CRPPA: variants seen among roughly 807,000 people sequenced by gnomAD.
The protein encoded by CRPPA is CDP-L-ribitol pyrophosphorylase A.
A neutral mutation model predicts 52.0 loss-of-function variants in CRPPA; 43 were observed. That is an observed-to-expected ratio of 0.83 (90% CI 0.65 to 1.07). The LOEUF is 1.07. CRPPA is among the 50% of genes least tolerant of loss of function. The pLI, the probability that CRPPA is intolerant of heterozygous loss-of-function variation, is 0.00. For missense variants in CRPPA, 629 were observed against 551.7 expected, an observed-to-expected ratio of 1.14 and a Z score of -1.40; for synonymous variants, 250 against 203.5, an observed-to-expected ratio of 1.23 and a Z score of -1.94.
rs895430141 is a variant in CRPPA, at chr7:16,147,824, G to T, written c.1252-56025C>A. On this transcript the variant is annotated intron_variant, in intron 9 of 9. Coordinates refer to ENST00000407010, the MANE Select transcript of CRPPA (RefSeq NM_001101426.4). ...ACTTGCCTAACCTCCTATAAAACTT[G>T]ATATTCATCCATATTTTATAAATAT... Among the ~76,000 whole-genome samples, 3 of 152,178 alleles carry T rather than the reference G, an allele frequency of 2.0e-5. No homozygotes were observed. The East Asian group carries it at 5.8e-4, about 29-fold the overall frequency.
intron 9 of CRPPA, among the ~76,000 whole-genome samples, chr7:16,131,346 A>G (rs1192424944): frequency 6.6e-6 from 1 of 152,212 alleles, no homozygotes; most frequent in Admixed American, 6.5e-5. Context: ...GTTCCTGAAT[A>G]CAATGTTGAT....
intron 9 of CRPPA, among the ~76,000 whole-genome samples, chr7:16,175,239 C>G (rs1016891561): frequency 6.6e-6 from 1 of 151,948 alleles, no homozygotes; most frequent in Non-Finnish European, 1.5e-5. Flanking sequence ...AATATAAACC[C>G]AAATCACAGT....
chr7:16,289,597 A>G (rs1784519158), intron 5 of CRPPA, among the ~76,000 whole-genome samples: 1 of 152,206 alleles, frequency 6.6e-6, no homozygotes, highest in African/African-American at 2.4e-5. Context: ...TCCTCTTAAT[A>G]GACATAGAAA....
intron 9 of CRPPA, among the ~76,000 whole-genome samples, chr7:16,134,906 A>T (rs1782737086): frequency 1.3e-5 from 2 of 152,162 alleles, no homozygotes; most frequent in Non-Finnish European, 2.9e-5. Context: ...ATACTATGTA[A>T]TTTTTTTCTG....
At chr7:16,385,131 A>G (rs1787223510) in intron 2 of CRPPA, among the ~76,000 whole-genome samples, 1 of 152,180 alleles carries the variant, frequency 6.6e-6, no homozygotes, top group African/African-American at 2.4e-5. Flanking sequence ...CAAATGAGAA[A>G]AAAAGGATGA....
intron 3 of CRPPA, among the ~76,000 whole-genome samples, chr7:16,332,647 G>A (rs1785579992): frequency 6.6e-6 from 1 of 151,968 alleles, no homozygotes; most frequent in African/African-American, 2.4e-5. Flanking sequence ...ATGGGGGAAA[G>A]CTATTACTGA....
At chr7:16,199,150 G>A (rs1183986314) in intron 9 of CRPPA, among the ~76,000 whole-genome samples, 1 of 152,046 alleles carries the variant, frequency 6.6e-6, no homozygotes, top group Non-Finnish European at 1.5e-5. Flanking sequence ...CTAGTTGAGG[G>A]GTCTAACTGG....
chr7:16,381,361 T>C (rs1431709977), intron 2 of CRPPA, among the ~76,000 whole-genome samples: 7 of 151,552 alleles, frequency 4.6e-5, no homozygotes, highest in Non-Finnish European at 7.4e-5. Context: ...AGAGACAGTT[T>C]GTTATAATTT....
At chr7:16,287,041 T>C (rs979039059) in intron 5 of CRPPA, among the ~76,000 whole-genome samples, 1 of 152,222 alleles carries the variant, frequency 6.6e-6, no homozygotes, top group Non-Finnish European at 1.5e-5. Context: ...TGTCATACTA[T>C]ATATTTTTAA....
chr7:16,194,096 T>A (rs1485195411), intron 9 of CRPPA, among the ~76,000 whole-genome samples: 1 of 152,054 alleles, frequency 6.6e-6, no homozygotes, highest in Non-Finnish European at 1.5e-5. Flanking sequence ...GCAAAACAGA[T>A]GAAAAACTAG....
In CRPPA at chr7:16,236,522, G is replaced by C. The variant is rs987470559; in HGVS notation, c.1120-20325C>G. Reference sequence around the variant, plus strand: ...AACAGGATTCAAGCCAAAAAAATCTGAATCTAGAAGTTTCTGGCACTGATT... The same window carrying C: ...AACAGGATTCAAGCCAAAAAAATCTCAATCTAGAAGTTTCTGGCACTGATT... On this transcript the variant is annotated intron_variant, in intron 8 of 9. Coordinates refer to ENST00000407010, the MANE Select transcript of CRPPA (RefSeq NM_001101426.4). 6.6e-5 allele frequency among the ~76,000 whole-genome samples: 10 copies of C among 152,178 alleles called. No individual in the cohort carries two copies. In the East Asian group the frequency reaches 1.9e-3, roughly 29 times the overall value.
chr7:16,373,349 A>G (rs1030722574), intron 3 of CRPPA, among the ~76,000 whole-genome samples: 11 of 152,144 alleles, frequency 7.2e-5, no homozygotes, highest in Non-Finnish European at 1.5e-4. Context: ...AGAGTGACCT[A>G]GGCAGAGGAA....
At chr7:16,243,724 G>A (rs1583460311) in intron 8 of CRPPA, among the ~76,000 whole-genome samples, 1 of 152,144 alleles carries the variant, frequency 6.6e-6, no homozygotes, top group Non-Finnish European at 1.5e-5. Context: ...CCAACACTTT[G>A]GGAGGCCAAG....
At chr7:16,214,522 G>A (rs1318556685) in intron 9 of CRPPA, among the ~76,000 whole-genome samples, 1 of 151,840 alleles carries the variant, frequency 6.6e-6, no homozygotes, top group African/African-American at 2.4e-5. Flanking sequence ...TTTTGAGACA[G>A]GGCCTCACTC....
At chr7:16,418,982 G>T (rs1788260657) in intron 1 of CRPPA, among the ~76,000 whole-genome samples, 1 of 152,134 alleles carries the variant, frequency 6.6e-6, no homozygotes. Context: ...GATCCTGCTG[G>T]CCAAGACCCA....
chr7:16,397,694 G>T (rs1052328956), intron 2 of CRPPA, among the ~76,000 whole-genome samples: 2 of 152,214 alleles, frequency 1.3e-5, no homozygotes, highest in Non-Finnish European at 2.9e-5. Context: ...TGACTGACAC[G>T]TGATACATGA....
intron 9 of CRPPA, among the ~76,000 whole-genome samples, chr7:16,135,372 C>G (rs145391103): frequency 6.6e-6 from 1 of 151,992 alleles, no homozygotes; most frequent in African/African-American, 2.4e-5. Flanking sequence ...GTATATTGAG[C>G]CTTTATGCCT....
chr7:16,357,077 A>G (rs1562651378), intron 3 of CRPPA, among the ~76,000 whole-genome samples: 1 of 152,144 alleles, frequency 6.6e-6, no homozygotes, highest in African/African-American at 2.4e-5. Context: ...CCATCTTCCT[A>G]TGGGAGCTGG....
intron 9 of CRPPA, among the ~76,000 whole-genome samples, chr7:16,181,845 T>A (rs1781418232): frequency 6.6e-6 from 1 of 152,026 alleles, no homozygotes; most frequent in South Asian, 2.1e-4. Context: ...AAGGACTATA[T>A]TCTTCAACAA....
Sources: allele counts gnomAD v4.1 joint callset (sites outside exome capture counted in the v4.1 genomes callset), GRCh38; gene constraint gnomAD v4.1.1; transcripts MANE v1.5; gene names NCBI Gene and HGNC (gene_info 2026-07-23, HGNC 2026-07-21).